Variants in PARVG observed in about 807,000 individuals in gnomAD.
PARVG encodes the protein gamma-parvin.
In PARVG, 36 loss-of-function variants were observed where a neutral mutation model predicts 44.4. That is an observed-to-expected ratio of 0.81 (90% CI 0.62 to 1.07). The LOEUF (loss-of-function observed/expected upper bound fraction) is 1.07, where lower values mean the gene tolerates loss of function less well. Ranked by LOEUF, PARVG falls within the 50% of genes least tolerant of loss-of-function variation. The pLI is 0.00. For synonymous variants in PARVG, 170 were observed against 174.1 expected, an observed-to-expected ratio of 0.98 and a Z score of 0.19; for missense variants, 407 against 407.4, an observed-to-expected ratio of 1.00 and a Z score of 0.01.
chr22:44,185,579 C>T (rs1215991335), intron 3 of PARVG: 1 of 455,686 alleles, frequency 2.2e-6, no homozygotes, highest in Non-Finnish European at 4.0e-6. Flanking sequence ...CTTTGAATGT[C>T]AAGTAATCAA....
chr22:44,201,092 C>A (rs865957708), intron 12 of PARVG, among the ~76,000 whole-genome samples: 2 of 152,176 alleles, frequency 1.3e-5, no homozygotes, highest in African/African-American at 4.8e-5. Flanking sequence ...TCCACGCAGG[C>A]TGTGCTCTCA....
Position 44,206,301 on chromosome 22 carries a change from C to T in PARVG, c.887-16C>T. The T allele has an allele frequency of 1.3e-6, 2 of 1,598,974 alleles. No individual in the cohort carries two copies. Among genetic ancestry groups the T allele is most frequent in the Non-Finnish European group, 1.7e-6 (2 of 1,166,858 alleles). ...CCCAGGCCTGACTGGCTGCCCTGCCCTCCTTTGGCCCGCAGATATCGTGAA... is the reference window on the plus strand; with the variant it reads ...CCCAGGCCTGACTGGCTGCCCTGCCTTCCTTTGGCCCGCAGATATCGTGAA... On this transcript the variant is annotated splice_polypyrimidine_tract_variant and intron_variant, in intron 13 of 13. Transcript: ENST00000444313.
chr22:44,177,812 G>A (rs922554019), upstream of PARVG, among the ~76,000 whole-genome samples: 32 of 152,214 alleles, frequency 2.1e-4, no homozygotes, highest in African/African-American at 7.0e-4. Context: ...GCCGCAGTGA[G>A]CCGTGATCAC....
chr22:44,193,763 T>C, intron 8 of PARVG, 38 bp from the exon 9 acceptor site: 1 of 1,608,656 alleles, frequency 6.2e-7, no homozygotes, highest in South Asian at 1.1e-5. Context: ...GGTGTTTTTT[T>C]TTTAACCATT....
rs369886392 is a variant in PARVG, at chr22:44,189,498, GCAAA to G, written c.388+247_388+250del. Reference sequence around the variant, plus strand: ...TGCTGCAAAGTGCAGCCCAAGGATAGCAAACAGTCTCTGTTTGCTATCTGAATGA... The same window carrying G: ...TGCTGCAAAGTGCAGCCCAAGGATAGCAGTCTCTGTTTGCTATCTGAATGA... On this transcript the variant is annotated intron_variant, in intron 6 of 13. Coordinates refer to ENST00000444313, the MANE Select transcript of PARVG (RefSeq NM_022141.7). 4.5e-3 allele frequency among the ~76,000 whole-genome samples: 681 copies of G among 152,332 alleles called. 3 individuals are homozygous for G. The highest frequency in any genetic ancestry group is 0.014 in the Middle Eastern group (4 of 294).
Position 44,206,740 on chromosome 22 carries a change from C to G in PARVG, c.*314C>G, listed in dbSNP as rs545110042. ...GGGTGAGTGTGTGTCACATCAGTCT[C>G]TCATCTCTGGGCCCAGGCTAGTGAC... On this transcript the variant is annotated 3_prime_UTR_variant, in exon 14 of 14. Transcript: ENST00000444313. 8.7e-6 allele frequency: 3 copies of G among 342,998 alleles called. No homozygotes were observed. The highest frequency in any genetic ancestry group is 5.7e-5 in the South Asian group (2 of 34,942). The allele number at this position is 342,998 out of a possible 1,614,324, so 21.2% of individuals were successfully genotyped here.
Position 44,190,563 on chromosome 22 carries a change from A to G in PARVG, c.401A>G (p.Lys134Arg). 1 of 1,614,072 alleles carries G rather than the reference A, an allele frequency of 6.2e-7. No homozygotes were observed. The highest frequency in any genetic ancestry group is 8.5e-7 in the Non-Finnish European group (1 of 1,179,932). ...AKWSVESIFN[K>R]DLLSTLHLLV... is the part of the protein sequence containing the mutation. Reference sequence around the variant, plus strand: ...ACTCTCTTCCCAGGCATCTTCAACAAGGACCTGTTGTCTACCCTGCACCTC... The same window carrying G: ...ACTCTCTTCCCAGGCATCTTCAACAGGGACCTGTTGTCTACCCTGCACCTC... Residue 134 changes from lysine to arginine, a missense_variant, in exon 7 of 14, where the codon AAG becomes AGG. Lys to Arg is a conservative substitution (Grantham distance 26, BLOSUM62 2). Transcript: ENST00000444313.
intron 8 of PARVG, 129 bp downstream of exon 8, chr22:44,192,233 G>T: frequency 1.8e-6 from 2 of 1,085,618 alleles, no homozygotes; most frequent in Non-Finnish European, 2.7e-6. Flanking sequence ...CTTTCTCTCA[G>T]ACCCGAAAAT....
chr22:44,193,653 C>T, intron 8 of PARVG, 148 bp from the exon 9 acceptor site: 1 of 925,362 alleles, frequency 1.1e-6, no homozygotes, highest in Non-Finnish European at 1.6e-6. Flanking sequence ...CTGCTATCTG[C>T]CCTACCTACA....
intron 5 of PARVG, chr22:44,188,576 C>T (rs987843225): frequency 1.7e-4 from 28 of 162,370 alleles, no homozygotes; most frequent in Non-Finnish European, 2.9e-4. Context: ...CTAGCACTTC[C>T]GGGCATGTCC....
intron 12 of PARVG, among the ~76,000 whole-genome samples, chr22:44,203,186 C>T (rs936481697): frequency 6.6e-6 from 1 of 152,176 alleles, no homozygotes; most frequent in African/African-American, 2.4e-5. Flanking sequence ...AGCATAAGCT[C>T]TATGAGGGCA....
intron 5 of PARVG, 166 bp from the exon 6 acceptor site, chr22:44,188,948 T>TCATTAAAAAA: frequency 1.3e-6 from 1 of 795,894 alleles, no homozygotes; most frequent in Non-Finnish European, 2.0e-6. Flanking sequence ...CTGGAGGGCA[T>TCATTAAAAAA]ACCCGATTGA....
chr22:44,185,000 C>T (rs1480929687), intron 3 of PARVG: 1 of 152,264 alleles, frequency 6.6e-6, no homozygotes, highest in Non-Finnish European at 1.5e-5. Flanking sequence ...TATCCATTCA[C>T]TCATTCCTTC....
intron 7 of PARVG, 142 bp downstream of exon 7, chr22:44,190,808 C>G: frequency 1.4e-6 from 1 of 716,148 alleles, no homozygotes; most frequent in Non-Finnish European, 2.4e-6. Flanking sequence ...AGAATCCAGC[C>G]AGGATGGCCA....
At chr22:44,181,351 G>T in intron 1 of PARVG, 166 bp downstream of exon 1, 4 of 985,488 alleles carry the variant, frequency 4.1e-6, no homozygotes, top group Non-Finnish European at 4.8e-6. Context: ...GCGTGGGGAA[G>T]TCTGCAGCCG....
At chr22:44,192,984 G>A (rs778539967) in intron 8 of PARVG, among the ~76,000 whole-genome samples, 1 of 152,228 alleles carries the variant, frequency 6.6e-6, no homozygotes, top group Non-Finnish European at 1.5e-5. Context: ...CTGGCCAGGT[G>A]GGGCTGCCAT....
intron 8 of PARVG, 59 bp downstream of exon 8, chr22:44,192,163 A>C: frequency 5.3e-6 from 4 of 758,560 alleles, no homozygotes; most frequent in Non-Finnish European, 8.7e-6. Flanking sequence ...GGATGGGGGC[A>C]GGGTGGGGGC....
chr22:44,173,240 G>C lies in PARVG; in HGVS notation c.-189+49G>C, dbSNP rs371278863. 44 of 1,191,842 alleles carry C rather than the reference G, an allele frequency of 3.7e-5. No individual in the cohort carries two copies. The East Asian group carries it at 1.4e-3, about 37-fold the overall frequency. The allele number at this position is 1,191,842 out of a possible 1,614,324, so 73.8% of individuals were successfully genotyped here. A position where few individuals can be genotyped will look rare whatever the true frequency, so the allele number is the denominator to read the frequency against. ...CCCTCTGCCTGGGTCCAGACCATAC[G>C]TGCACAAAGCTAGCGGCCAGGAGCA... On this transcript the variant is annotated intron_variant, in intron 1 of 13. Transcript: ENST00000422871.
At chr22:44,183,619 A>G in intron 3 of PARVG, 1 of 518,696 alleles carries the variant, frequency 1.9e-6, no homozygotes, top group Admixed American at 4.0e-5. Context: ...CAGATGAGAG[A>G]CGGTGTGGAT....
Sources: allele counts gnomAD v4.1 joint callset (sites outside exome capture counted in the v4.1 genomes callset), GRCh38; gene constraint gnomAD v4.1.1; transcripts MANE v1.5; gene names NCBI Gene and HGNC (gene_info 2026-07-23, HGNC 2026-07-21).